The following AGTR1 variants were observed in gnomAD, a reference collection of about 807,000 sequenced individuals.
AGTR1 encodes type-1 angiotensin II receptor.
Under a neutral mutation model 19.4 loss-of-function variants are expected in AGTR1, and 16 were observed. The ratio of observed to expected loss-of-function variants is 0.82; its 90% confidence interval spans 0.56 to 1.25. AGTR1 has a LOEUF of 1.25. AGTR1 is among the 50% of genes most tolerant of loss of function. The pLI is 0.00. For missense variants in AGTR1, 373 were observed against 431.9 expected (o/e 0.86, Z 1.21); for synonymous variants, 153 against 154.9 (o/e 0.99, Z 0.09).
chr3:148,728,030 T>C (rs775836616), intron 2 of AGTR1, among the ~76,000 whole-genome samples: 5 of 152,098 alleles, frequency 3.3e-5, no homozygotes, highest in South Asian at 2.1e-4. Context: ...CTCTCCCACA[T>C]TGGGAAAATC....
chr3:148,742,315 C>T lies in AGTR1; in HGVS notation c.*200C>T. 1.3e-6 allele frequency: 1 copy of T among 774,244 alleles called. No individual in the cohort carries two copies. Among genetic ancestry groups the T allele is most frequent in the South Asian group, 1.5e-5 (1 of 68,924 alleles). 48.0% of individuals were successfully genotyped at this position (774,244 alleles called of 1,614,324 possible). ...TTTGCAACAAGACAAAGCAAAGCCACATTTTGCATTAGACAGATGACGGCT... is the reference window on the plus strand; with the variant it reads ...TTTGCAACAAGACAAAGCAAAGCCATATTTTGCATTAGACAGATGACGGCT... On this transcript the variant is annotated 3_prime_UTR_variant, in exon 3 of 3. Coordinates refer to ENST00000349243, the MANE Select transcript of AGTR1 (RefSeq NM_000685.5).
rs776067200 is a variant in AGTR1, at chr3:148,741,179, G to A, written c.144G>A (p.Leu48=). 1.9e-6 allele frequency: 3 copies of A among 1,614,126 alleles called. No individual in the cohort carries two copies. Among genetic ancestry groups the A allele is most frequent in the Non-Finnish European group, 2.5e-6 (3 of 1,180,002 alleles). ...IFVVGIFGNS[L]VVIVIYFYMK... is the part of the protein sequence containing the mutation. ...TGGTGGGAATATTTGGAAACAGCTT[G>A]GTGGTGATAGTCATTTACTTTTATA... Residue 48 remains leucine (L), a synonymous_variant, in exon 3 of 3, where the codon TTG becomes TTA. Transcript: ENST00000349243.
intron 1 of AGTR1, among the ~76,000 whole-genome samples, chr3:148,704,616 A>G (rs1444508039): frequency 6.6e-6 from 1 of 152,250 alleles, no homozygotes; most frequent in Non-Finnish European, 1.5e-5. Flanking sequence ...GTAGTAAAAT[A>G]TAGTTACTAA....
chr3:148,734,552 A>G (rs1341837110), intron 2 of AGTR1, among the ~76,000 whole-genome samples: 1 of 152,190 alleles, frequency 6.6e-6, no homozygotes, highest in Non-Finnish European at 1.5e-5. Context: ...AGGAGATTGG[A>G]TCTTAAGTAC....
intron 2 of AGTR1, among the ~76,000 whole-genome samples, chr3:148,718,438 G>C (rs1400386189): frequency 1.3e-5 from 2 of 152,142 alleles, no homozygotes; most frequent in Admixed American, 1.3e-4. Context: ...CAGGTTTCTG[G>C]AAGGCTCAGA....
intron 1 of AGTR1, among the ~76,000 whole-genome samples, chr3:148,706,358 G>A (rs1712668488): frequency 6.6e-6 from 1 of 151,914 alleles, no homozygotes; most frequent in Non-Finnish European, 1.5e-5. Flanking sequence ...GTATAACAGT[G>A]CTAAAGTTGG....
intron 1 of AGTR1, among the ~76,000 whole-genome samples, chr3:148,699,923 A>C (rs1412921662): frequency 6.6e-6 from 1 of 152,110 alleles, no homozygotes; most frequent in Non-Finnish European, 1.5e-5. Flanking sequence ...ACTCAGAATA[A>C]AATTGGTTTT....
intron 2 of AGTR1, among the ~76,000 whole-genome samples, chr3:148,726,426 C>G (rs1392617560): frequency 6.6e-6 from 1 of 152,282 alleles, no homozygotes; most frequent in Middle Eastern, 3.4e-3. Context: ...CCAGGCTGGT[C>G]TCGAGCTCCT....
At chr3:148,733,625 TGAAAA>T (rs1386761014) in intron 2 of AGTR1, among the ~76,000 whole-genome samples, 1 of 152,184 alleles carries the variant, frequency 6.6e-6, no homozygotes, top group African/African-American at 2.4e-5. Flanking sequence ...TTTTCTCTGT[TGAAAA>T]GAAAAGCTTG....
At chr3:148,718,482 A>G (rs1713421453) in intron 2 of AGTR1, among the ~76,000 whole-genome samples, 1 of 152,158 alleles carries the variant, frequency 6.6e-6, no homozygotes, top group Non-Finnish European at 1.5e-5. Context: ...GTAGACCCAA[A>G]TGGACTACTC....
At chr3:148,733,069 T>A (rs1012648042) in intron 2 of AGTR1, among the ~76,000 whole-genome samples, 4 of 151,930 alleles carry the variant, frequency 2.6e-5, no homozygotes, top group African/African-American at 9.7e-5. Context: ...TATAACCAAC[T>A]CCCCGAGGAT....
intron 1 of AGTR1, among the ~76,000 whole-genome samples, chr3:148,701,978 T>G (rs1048017782): frequency 2.6e-5 from 2 of 77,834 alleles, no homozygotes; most frequent in South Asian, 3.9e-4. Context: ...ATTGTGTACC[T>G]TTTTTTTTTT....
intron 2 of AGTR1, among the ~76,000 whole-genome samples, chr3:148,725,482 G>C (rs1183805720): frequency 6.6e-6 from 1 of 151,978 alleles, no homozygotes; most frequent in Non-Finnish European, 1.5e-5. Flanking sequence ...ATTTTATGAC[G>C]CAATTTACTT....
intron 1 of AGTR1, among the ~76,000 whole-genome samples, chr3:148,699,353 AC>A (rs948649756): frequency 6.6e-6 from 1 of 151,958 alleles, no homozygotes; most frequent in African/African-American, 2.4e-5. Context: ...ATATGCTTTA[AC>A]CCCCTTATAA....
At position 148,720,783 on chromosome 3, in the gene AGTR1, A is replaced by G. The variant is rs562723047; in HGVS notation, c.-48+12756A>G. On this transcript the variant is annotated intron_variant, in intron 2 of 2. Transcript: ENST00000349243. ...AAAGATATCTTTGCATTAAAAAATC[A>G]TTTTCTTTTCAAATGTTAATGTACT... Among the ~76,000 whole-genome samples the G allele has an allele frequency of 1.2e-4, 18 of 152,344 alleles. No individual in the cohort carries two copies. The South Asian group carries it at 3.3e-3, about 28-fold the overall frequency.
chr3:148,709,871 A>G lies in AGTR1; in HGVS notation c.-48+1844A>G, dbSNP rs562566637. On this transcript the variant is annotated intron_variant, in intron 2 of 2. Transcript: ENST00000349243. ...CTGAAATCTACTCATGACAAATGGG[A>G]AAACCCTGATTAGCACATTTAAATG... 4.1e-3 allele frequency among the ~76,000 whole-genome samples: 626 copies of G among 152,320 alleles called. 4 individuals are homozygous for G. The highest frequency in any genetic ancestry group is 0.014 in the African/African-American group (588 of 41,584).
intron 2 of AGTR1, among the ~76,000 whole-genome samples, chr3:148,715,071 T>C (rs1713214929): frequency 6.6e-6 from 1 of 152,212 alleles, no homozygotes; most frequent in South Asian, 2.1e-4. Flanking sequence ...AATAAAATTA[T>C]ATATTTGGGA....
intron 2 of AGTR1, among the ~76,000 whole-genome samples, chr3:148,721,221 T>C (rs913010888): frequency 2.0e-5 from 3 of 152,196 alleles, no homozygotes; most frequent in South Asian, 4.1e-4. Flanking sequence ...CCAGTCCTTT[T>C]GGTAAAAGCC....
chr3:148,736,456 A>C (rs1714576472), intron 2 of AGTR1, among the ~76,000 whole-genome samples: 1 of 152,248 alleles, frequency 6.6e-6, no homozygotes, highest in African/African-American at 2.4e-5. Context: ...ACGCTTTCTT[A>C]ACCCATGGCT....
Sources: gnomAD v4.1 joint callset for allele counts (sites outside exome capture counted in the v4.1 genomes callset) on GRCh38, gnomAD v4.1.1 for gene constraint, MANE v1.5 for transcripts, NCBI Gene and HGNC (gene_info 2026-07-23, HGNC 2026-07-21) for gene names.